The following TMEM255A variants were observed in gnomAD, a reference collection of about 807,000 sequenced individuals.
TMEM255A encodes family with sequence similarity 70, member A.
A neutral mutation model predicts 23.5 loss-of-function variants in TMEM255A; 14 were observed. The observed-to-expected ratio is 0.60, with a 90% CI of 0.39 to 0.93. TMEM255A has a LOEUF of 0.93. TMEM255A is among the 40% of genes least tolerant of loss of function. The pLI is 0.00. For synonymous variants in TMEM255A, 104 were observed against 100.3 expected (o/e 1.04, Z -0.22); for missense variants, 233 against 261.7 (o/e 0.89, Z 0.76).
rs1428247728 is a variant in TMEM255A, at chrX:120,302,381, A to G, written c.201+1968T>C. On this transcript the variant is annotated intron_variant, in intron 2 of 8. Coordinates refer to ENST00000371369, the MANE Select transcript of TMEM255A (RefSeq NM_001104544.3). ...TGGCTTCAGCATTTGCTCATCAGTC[A>G]GAAATATTTTACTAATGCAGCTACC... 2.7e-5 allele frequency among the ~76,000 whole-genome samples: 3 copies of G among 111,233 alleles called. No homozygotes were observed. The Admixed American group carries it at 2.9e-4, about 11-fold the overall frequency.
At chrX:120,297,061 A>T (rs2057994963) in intron 2 of TMEM255A, among the ~76,000 whole-genome samples, 5 of 6,584 alleles carry the variant, frequency 7.6e-4, no homozygotes, top group Admixed American at 5.5e-3. Context: ...AATATATATA[A>T]TATTATATAT....
chrX:120,287,316 C>CACACACACACACAT, intron 4 of TMEM255A, 94 bp from the exon 5 acceptor site: 2 of 521,658 alleles, frequency 3.8e-6, no homozygotes, highest in South Asian at 6.5e-5. Flanking sequence ...AATACACACA[C>CACACACACACACAT]ACACACACAC....
chrX:120,302,050 T>G (rs1018657136), intron 2 of TMEM255A, among the ~76,000 whole-genome samples: 1 of 111,976 alleles, frequency 8.9e-6, no homozygotes, highest in African/African-American at 3.3e-5. Context: ...TTTTAAAGGT[T>G]AAATCATGGG....
At chrX:120,280,891 A>G (rs1447656642) in intron 6 of TMEM255A, among the ~76,000 whole-genome samples, 2 of 107,476 alleles carry the variant, frequency 1.9e-5, no homozygotes, top group Non-Finnish European at 3.9e-5. Context: ...TTCTCTGCCT[A>G]TCCTAATCTC....
chrX:120,260,923 A>G lies in TMEM255A; in HGVS notation c.925T>C (p.Tyr309His), dbSNP rs2057674389. Residue 309 changes from tyrosine (Y) to histidine (H), a missense_variant, in exon 9 of 9, where the codon TAC (tyrosine) becomes CAC (histidine). Transcript: ENST00000371369. The stretch of plus-strand genomic sequence containing the variant: ...AAAGGTGGATAGTAGGGTGGAGAGT[A>G]ACGGGGCGGTGCACTTGAGGACCAC... ...YMWSSSAPPRYSPPYYPPFEK... is the reference protein window; with the variant it reads ...YMWSSSAPPRHSPPYYPPFEK... 3.3e-6 allele frequency: 4 copies of G among 1,199,021 alleles called. No individual in the cohort carries two copies. Among genetic ancestry groups the G allele is most frequent in the Admixed American group, 2.3e-5 (1 of 43,425 alleles).
chrX:120,265,988 C>CAAAAAAAAAAAAAA (rs782107279), intron 8 of TMEM255A, among the ~76,000 whole-genome samples: 12 of 68,693 alleles, frequency 1.7e-4, no homozygotes, highest in Non-Finnish European at 2.6e-4. Context: ...ACAAAAGATA[C>CAAAAAAAAAAAAAA]AAAAAAAAAA....
chrX:120,292,715 G>T (rs1040854010), intron 3 of TMEM255A, among the ~76,000 whole-genome samples: 2 of 107,384 alleles, frequency 1.9e-5, no homozygotes, highest in Non-Finnish European at 3.9e-5. Flanking sequence ...AGCCGAGATG[G>T]TGCCACTCCA....
At chrX:120,309,903 G>A (rs1429287259) in intron 1 of TMEM255A, 2 of 111,705 alleles carry the variant, frequency 1.8e-5, no homozygotes, top group Non-Finnish European at 3.8e-5. Context: ...AAATGAAAAA[G>A]CAAATTCTTA....
intron 4 of TMEM255A, among the ~76,000 whole-genome samples, chrX:120,289,522 G>C (rs1296217915): frequency 8.9e-6 from 1 of 111,967 alleles, no homozygotes; most frequent in Admixed American, 9.5e-5. Flanking sequence ...AGATAATAAT[G>C]AGAGTTGATG....
intron 3 of TMEM255A, among the ~76,000 whole-genome samples, chrX:120,293,274 T>A (rs12863325): frequency 0.041 from 4,641 of 112,587 alleles, 187 homozygotes; most frequent in Admixed American, 0.17. Context: ...ATGCTTGCAA[T>A]TCAGTCTATA....
In TMEM255A at chrX:120,260,738, T is replaced by C; in HGVS notation, c.*132A>G. On this transcript the variant is annotated 3_prime_UTR_variant, in exon 9 of 9. Transcript: ENST00000371369. ...TAATGAATAAGCTTCGTCCCTATCT[T>C]TCCCTAGCCTGGCAGGCCATTGTAA... 1 of 919,500 alleles carries C rather than the reference T, an allele frequency of 1.1e-6. No individual in the cohort carries two copies. The highest frequency in any genetic ancestry group is 1.5e-6 in the Non-Finnish European group (1 of 675,526). The allele number at this position is 919,500 out of a possible 1,213,427, so 75.8% of individuals were successfully genotyped here. A position where few individuals can be genotyped will look rare whatever the true frequency, so the allele number is the denominator to read the frequency against.
rs1556019995 is a variant in TMEM255A, at chrX:120,277,058, A to G, written c.513-11T>C. The G allele has an allele frequency of 1.7e-6, 2 of 1,202,151 alleles. No homozygotes were observed. Among genetic ancestry groups the G allele is most frequent in the African/African-American group, 3.5e-5 (2 of 57,695 alleles). On this transcript the variant is annotated splice_polypyrimidine_tract_variant and intron_variant, in intron 6 of 8. Transcript: ENST00000371369. ...GTGATCTCCACCCGGCTGGACAGGG[A>G]GGAGCATGCTCCAGTCAGTCCCCAG...
chrX:120,279,759 G>GC (rs2057824234), intron 6 of TMEM255A, among the ~76,000 whole-genome samples: 1 of 111,522 alleles, frequency 9.0e-6, no homozygotes, highest in Non-Finnish European at 1.9e-5. Flanking sequence ...ACTTCTCTGA[G>GC]CCCGGGGGAT....
At chrX:120,293,119 G>A (rs920848651) in intron 3 of TMEM255A, among the ~76,000 whole-genome samples, 2 of 112,151 alleles carry the variant, frequency 1.8e-5, no homozygotes, top group Non-Finnish European at 3.8e-5. Flanking sequence ...TCTGTCCTTG[G>A]AGCTATTACG....
In TMEM255A at chrX:120,260,926, G is replaced by C. The variant is rs781915988; in HGVS notation, c.922C>G (p.Arg308Gly). 30 of 1,198,523 alleles carry C rather than the reference G, an allele frequency of 2.5e-5. No homozygotes were observed. Among genetic ancestry groups the C allele is most frequent in the African/African-American group, 1.1e-4 (6 of 56,275 alleles). The change falls in exon 9 of 9, where the codon CGT becomes GGT. Residue 308 changes from arginine (R) to glycine (G), a missense_variant. Arg to Gly is a moderately radical substitution (Grantham distance 125). Coordinates refer to ENST00000371369, the MANE Select transcript of TMEM255A (RefSeq NM_001104544.3). ...SYMWSSSAPPRYSPPYYPPFE... is the reference protein window; with the variant it reads ...SYMWSSSAPPGYSPPYYPPFE... The stretch of plus-strand genomic sequence containing the variant: ...GGTGGATAGTAGGGTGGAGAGTAAC[G>C]GGGCGGTGCACTTGAGGACCACATG...
chrX:120,304,357 C>T lies in TMEM255A; in HGVS notation c.193G>A (p.Gly65Arg), dbSNP rs139074850. ...QNVTVGGYYP[G>R]VILGFGSFLG... The stretch of plus-strand genomic sequence containing the variant: ...GTGCCTTCTATACTTACAATAACTC[C>T]GGGGTAATAACCTCCTACAGTCACA... Residue 65 changes from glycine (G) to arginine (R), a missense_variant, in exon 2 of 9, where the codon GGA becomes AGA. Transcript: ENST00000371369. 9 of 1,207,457 alleles carry T rather than the reference C, an allele frequency of 7.5e-6. No homozygotes were observed. In the African/African-American group the frequency reaches 1.2e-4, roughly 16 times the overall value.
chrX:120,261,556 G>A (rs1206917276), intron 8 of TMEM255A, among the ~76,000 whole-genome samples: 3 of 111,336 alleles, frequency 2.7e-5, no homozygotes, highest in African/African-American at 9.8e-5. Context: ...TAGCTTGCTC[G>A]GATCTGGAGT....
chrX:120,272,301 G>A (rs1177602287), intron 7 of TMEM255A, among the ~76,000 whole-genome samples: 1 of 111,873 alleles, frequency 8.9e-6, no homozygotes, highest in Non-Finnish European at 1.9e-5. Context: ...GGGTGCCTCT[G>A]GGGAGCATGA....
At chrX:120,287,604 G>T (rs1220864573) in intron 4 of TMEM255A, among the ~76,000 whole-genome samples, 2 of 110,850 alleles carry the variant, frequency 1.8e-5, no homozygotes, top group South Asian at 3.9e-4. Flanking sequence ...CAAGCAGAGA[G>T]AGCTCAAGTC....
Sources: gnomAD v4.1 joint callset for allele counts (sites outside exome capture counted in the v4.1 genomes callset) on GRCh38, gnomAD v4.1.1 for gene constraint, MANE v1.5 for transcripts, NCBI Gene and HGNC (gene_info 2026-07-23, HGNC 2026-07-21) for gene names.